GNAT3: variants seen among roughly 807,000 people sequenced by gnomAD.
GNAT3 encodes the protein G protein subunit alpha transducin 3.
A neutral mutation model predicts 37.7 loss-of-function variants in GNAT3; 31 were observed. The observed-to-expected ratio is 0.82, with a 90% CI of 0.62 to 1.11. The LOEUF is 1.11. GNAT3 is among the 50% of genes most tolerant of loss of function. The pLI, the probability that GNAT3 is intolerant of heterozygous loss-of-function variation, is 0.00. For synonymous variants in GNAT3, 138 were observed against 139.8 expected, an observed-to-expected ratio of 0.99 and a Z score of 0.09; for missense variants, 437 against 412.5, an observed-to-expected ratio of 1.06 and a Z score of -0.51.
chr7:80,489,114 T>C (rs929192559), intron 2 of GNAT3, among the ~76,000 whole-genome samples: 3 of 152,066 alleles, frequency 2.0e-5, no homozygotes, highest in Non-Finnish European at 4.4e-5. Context: ...TGCTGAAAAA[T>C]AGGAGTGCCT....
chr7:80,467,443 A>G (rs964148057), intron 5 of GNAT3, among the ~76,000 whole-genome samples: 1 of 152,088 alleles, frequency 6.6e-6, no homozygotes, highest in Admixed American at 6.6e-5. Context: ...CAATAGCCAG[A>G]GTTTTGTTTT....
intron 2 of GNAT3, among the ~76,000 whole-genome samples, chr7:80,490,840 A>C (rs1790577614): frequency 6.6e-6 from 1 of 152,156 alleles, no homozygotes; most frequent in Non-Finnish European, 1.5e-5. Context: ...ACAGTCCATG[A>C]TCTTAGCCAT....
chr7:80,491,408 G>T (rs1208195272), intron 2 of GNAT3, among the ~76,000 whole-genome samples: 1 of 152,156 alleles, frequency 6.6e-6, no homozygotes, highest in African/African-American at 2.4e-5. Context: ...GAGTTTGAAA[G>T]AAATATTCTG....
intron 5 of GNAT3, 29 bp from the exon 6 acceptor site, chr7:80,462,660 ATCTTGCAAATATCC>A (rs1240932181): frequency 6.3e-7 from 1 of 1,590,586 alleles, no homozygotes. Context: ...TGAATAATAA[ATCTTGCAAATATCC>A]TCCAAAATGT....
intron 1 of GNAT3, among the ~76,000 whole-genome samples, chr7:80,498,412 G>T (rs1459684833): frequency 6.6e-6 from 1 of 152,048 alleles, no homozygotes; most frequent in Non-Finnish European, 1.5e-5. Flanking sequence ...AAAGGTGTCT[G>T]TACCATCCTT....
intron 5 of GNAT3, among the ~76,000 whole-genome samples, chr7:80,466,567 A>G (rs951019792): frequency 1.3e-5 from 2 of 152,076 alleles, no homozygotes; most frequent in African/African-American, 4.8e-5. Flanking sequence ...TTAATGATAA[A>G]AATAATAGTA....
At chr7:80,494,365 G>A (rs1452961840) in intron 2 of GNAT3, among the ~76,000 whole-genome samples, 5 of 152,090 alleles carry the variant, frequency 3.3e-5, no homozygotes, top group African/African-American at 1.2e-4. Context: ...AAAATATAAT[G>A]CTTTAAGCAT....
In GNAT3 at chr7:80,488,515, G is replaced by A. The variant is rs369791547; in HGVS notation, c.303+20C>T. On this transcript the variant is annotated intron_variant, in intron 3 of 7. Coordinates refer to ENST00000398291, the MANE Select transcript of GNAT3 (RefSeq NM_001102386.3). ...AAACTCTATTGCAGGACATACAGCT[G>A]TCATTATTTGCATACTTACTGCACT... is the stretch of plus-strand genomic sequence containing the variant. 2.0e-4 allele frequency: 318 copies of A among 1,590,062 alleles called. No individual in the cohort carries two copies. The highest frequency in any genetic ancestry group is 2.6e-4 in the Non-Finnish European group (304 of 1,165,294).
chr7:80,473,146 T>G (rs1009093555), intron 5 of GNAT3, among the ~76,000 whole-genome samples: 1 of 152,166 alleles, frequency 6.6e-6, no homozygotes, highest in African/African-American at 2.4e-5. Context: ...CGACAAACTT[T>G]TCCTACATTT....
chr7:80,482,834 CT>C (rs1453073764), intron 3 of GNAT3, among the ~76,000 whole-genome samples: 1 of 151,244 alleles, frequency 6.6e-6, no homozygotes, highest in Non-Finnish European at 1.5e-5. Context: ...CCTGTCCTTC[CT>C]TTTTAAAAAA....
At chr7:80,501,500 C>T (rs1008705374) in intron 1 of GNAT3, among the ~76,000 whole-genome samples, 5 of 151,904 alleles carry the variant, frequency 3.3e-5, no homozygotes, top group Non-Finnish European at 5.9e-5. Context: ...TAAATGTTAT[C>T]TAATACTATA....
intron 1 of GNAT3, 40 bp from the exon 2 acceptor site, chr7:80,494,687 A>C (rs1481801244): frequency 1.9e-5 from 21 of 1,103,062 alleles, no homozygotes; most frequent in Non-Finnish European, 2.8e-5. Flanking sequence ...CTGATATACC[A>C]AATTTGAATA....
chr7:80,470,097 G>A (rs889911340), intron 5 of GNAT3, among the ~76,000 whole-genome samples: 3 of 152,016 alleles, frequency 2.0e-5, no homozygotes, highest in Admixed American at 2.0e-4. Flanking sequence ...CTTCCTCACT[G>A]AAAATGCCTT....
intron 1 of GNAT3, among the ~76,000 whole-genome samples, chr7:80,496,066 T>G (rs1344079224): frequency 1.3e-5 from 2 of 152,178 alleles, no homozygotes; most frequent in African/African-American, 4.8e-5. Context: ...CATTGGCCTA[T>G]TTTTGTTTTT....
chr7:80,459,808 T>A (rs1562717874), intron 7 of GNAT3, among the ~76,000 whole-genome samples: 1 of 152,234 alleles, frequency 6.6e-6, no homozygotes, highest in Non-Finnish European at 1.5e-5. Context: ...TAAAGCCATA[T>A]AACATGGCTA....
chr7:80,494,241 G>A (rs1322336704), intron 2 of GNAT3, among the ~76,000 whole-genome samples: 1 of 152,038 alleles, frequency 6.6e-6, no homozygotes, highest in Non-Finnish European at 1.5e-5. Flanking sequence ...ATGCTAATGA[G>A]GTTAAAAATA....
At chr7:80,480,447 G>T (rs1428972986) in intron 3 of GNAT3, among the ~76,000 whole-genome samples, 1 of 152,028 alleles carries the variant, frequency 6.6e-6, no homozygotes, top group Non-Finnish European at 1.5e-5. Context: ...CAGGAAAGGG[G>T]TCCCAATCCA....
At chr7:80,468,738 C>A (rs1226293257) in intron 5 of GNAT3, among the ~76,000 whole-genome samples, 4 of 151,978 alleles carry the variant, frequency 2.6e-5, no homozygotes, top group South Asian at 2.1e-4. Context: ...TAAATCCTCA[C>A]AATTAAAAAA....
At chr7:80,488,172 C>G (rs1389964230) in intron 3 of GNAT3, among the ~76,000 whole-genome samples, 1 of 151,930 alleles carries the variant, frequency 6.6e-6, no homozygotes. Flanking sequence ...ATTTTTTAGT[C>G]TCTTTGAAAT....
Sources: allele counts gnomAD v4.1 joint callset (sites outside exome capture counted in the v4.1 genomes callset), GRCh38; gene constraint gnomAD v4.1.1; transcripts MANE v1.5; gene names NCBI Gene and HGNC (gene_info 2026-07-23, HGNC 2026-07-21).